The following ARID1B variants were observed in gnomAD, a reference collection of about 807,000 sequenced individuals.
ARID1B encodes the protein AT-rich interaction domain 1B.
A neutral mutation model predicts 212.3 loss-of-function variants in ARID1B; 30 were observed. That is an observed-to-expected ratio of 0.14 (90% CI 0.11 to 0.19). ARID1B has a LOEUF of 0.19. Ranked by LOEUF, ARID1B falls within the 10% of genes least tolerant of loss-of-function variation. ARID1B has a pLI of 1.00. For synonymous variants in ARID1B, 1,402 were observed against 1,301.7 expected (o/e 1.08, Z -1.66); for missense variants, 2,891 against 3,204.0 (o/e 0.90, Z 2.36).
At chr6:156,836,095 G>A (rs1562422584) in intron 2 of ARID1B, among the ~76,000 whole-genome samples, 1 of 152,140 alleles carries the variant, frequency 6.6e-6, no homozygotes, top group Non-Finnish European at 1.5e-5. Flanking sequence ...AACAGTCGAC[G>A]TCAGTAAAAT....
At chr6:157,141,437 ATAGTTCAGAAAACAAATTC>A (rs529813272) in intron 7 of ARID1B, among the ~76,000 whole-genome samples, 178 of 152,370 alleles carry the variant, frequency 1.2e-3, no homozygotes, top group Non-Finnish European at 2.0e-3. Flanking sequence ...TACCTTATGT[ATAGTTCAGAAAACAAATTC>A]TCTCTATTTA....
chr6:157,098,834 G>A (rs1785851885), intron 5 of ARID1B, among the ~76,000 whole-genome samples: 1 of 152,186 alleles, frequency 6.6e-6, no homozygotes, highest in Non-Finnish European at 1.5e-5. Context: ...CCTGAGAGTT[G>A]TGCCTCAGTC....
chr6:156,854,578 A>G (rs980067190), intron 2 of ARID1B, among the ~76,000 whole-genome samples: 1 of 152,198 alleles, frequency 6.6e-6, no homozygotes, highest in Non-Finnish European at 1.5e-5. Context: ...AAAATTGACA[A>G]AATTGTCTCA....
chr6:156,813,097 C>CAT lies in ARID1B; in HGVS notation c.1792-16119_1792-16118dup, dbSNP rs200332347. ...ACACACATACGTATGTATATACATACATATATATATATTTTTTTTTTTTTT... is the reference window on the plus strand; with the variant it reads ...ACACACATACGTATGTATATACATACATATATATATATATTTTTTTTTTTTTT... On this transcript the variant is annotated intron_variant, in intron 1 of 19. Coordinates refer to ENST00000636930, the MANE Select transcript of ARID1B (RefSeq NM_001374828.1). Among the ~76,000 whole-genome samples the CAT allele has an allele frequency of 4.8e-5, 4 of 83,374 alleles. No individual in the cohort carries two copies. The Admixed American group carries it at 5.5e-4, about 12-fold the overall frequency. 54.7% of individuals were successfully genotyped at this position (83,374 alleles called of 152,430 possible). A position where few individuals can be genotyped will look rare whatever the true frequency, so the allele number is the denominator to read the frequency against.
At position 156,925,741 on chromosome 6, in the gene ARID1B, C is replaced by T. The variant is rs183715575; in HGVS notation, c.2137-9725C>T. Among the ~76,000 whole-genome samples the T allele has an allele frequency of 6.1e-4, 93 of 152,058 alleles. No homozygotes were observed. The Middle Eastern group carries it at 0.037, about 61-fold the overall frequency. On this transcript the variant is annotated intron_variant, in intron 3 of 19. Transcript: ENST00000636930. The stretch of plus-strand genomic sequence containing the variant: ...TATCTAAACTAAAAGATTTTTGGAG[C>T]AGAGGGGAAGGGAAACTATCGATGT...
intron 4 of ARID1B, among the ~76,000 whole-genome samples, chr6:157,027,260 G>T (rs2128488106): frequency 6.6e-6 from 1 of 152,276 alleles, no homozygotes; most frequent in African/African-American, 2.4e-5. Flanking sequence ...ATAAAACTCT[G>T]TGGTTAAATT....
Position 156,964,560 on chromosome 6 carries a change from G to T in ARID1B, c.2247+28984G>T, listed in dbSNP as rs561087706. On this transcript the variant is annotated intron_variant, in intron 4 of 19. Transcript: ENST00000636930. ...TGGTTTTAAATTCTTTTATGATGGC[G>T]TAATTTTATGCGTATACTCAAGGCC... Among the ~76,000 whole-genome samples, 3 of 152,286 alleles carry T rather than the reference G, an allele frequency of 2.0e-5. No individual in the cohort carries two copies. In the East Asian group the frequency reaches 5.8e-4, roughly 29 times the overall value.
chr6:156,943,350 G>T (rs546445378), intron 4 of ARID1B: 1 of 152,028 alleles, frequency 6.6e-6, no homozygotes, highest in African/African-American at 2.4e-5. Flanking sequence ...AATATAGACT[G>T]TAATTTAAAA....
chr6:156,820,531 A>G (rs1215679867), intron 1 of ARID1B, among the ~76,000 whole-genome samples: 1 of 152,242 alleles, frequency 6.6e-6, no homozygotes, highest in Non-Finnish European at 1.5e-5. Context: ...TGTTAAGAGT[A>G]AAATAAAAGA....
chr6:156,829,461 G>T (rs1486519735), intron 2 of ARID1B, 40 bp downstream of exon 2: 1 of 1,573,716 alleles, frequency 6.4e-7, no homozygotes, highest in East Asian at 2.3e-5. Flanking sequence ...TTTTGTAATA[G>T]TTTTGTCTTT....
At chr6:157,070,567 C>G (rs1420620850) in intron 4 of ARID1B, among the ~76,000 whole-genome samples, 1 of 152,170 alleles carries the variant, frequency 6.6e-6, no homozygotes, top group Non-Finnish European at 1.5e-5. Context: ...AGATATAATT[C>G]TTCAGACAAT....
At chr6:157,029,621 C>T (rs776519159) in intron 4 of ARID1B, among the ~76,000 whole-genome samples, 5 of 152,112 alleles carry the variant, frequency 3.3e-5, no homozygotes, top group Admixed American at 2.6e-4. Context: ...GTGATTGGTA[C>T]GACAGGACTG....
chr6:156,886,127 A>C (rs1164827561), intron 2 of ARID1B, among the ~76,000 whole-genome samples: 1 of 152,236 alleles, frequency 6.6e-6, no homozygotes, highest in Non-Finnish European at 1.5e-5. Context: ...AGCATTTCAG[A>C]TAAGGGACAT....
At chr6:156,813,007 TATATACACATACGTATGTATATAC>T (rs1781686229) in intron 1 of ARID1B, among the ~76,000 whole-genome samples, 2 of 147,926 alleles carry the variant, frequency 1.4e-5, no homozygotes, top group South Asian at 4.2e-4. Context: ...TATATACATA[TATATACACATACGTATGTATATAC>T]ATATATATAT....
intron 1 of ARID1B, among the ~76,000 whole-genome samples, chr6:156,780,671 T>C (rs1429267220): frequency 6.6e-6 from 1 of 152,192 alleles, no homozygotes; most frequent in Non-Finnish European, 1.5e-5. Flanking sequence ...TACAAGCAAA[T>C]GTAAGGTTCA....
chr6:156,985,882 G>A (rs573772482), intron 4 of ARID1B, among the ~76,000 whole-genome samples: 53 of 152,254 alleles, frequency 3.5e-4, no homozygotes, highest in African/African-American at 1.3e-3. Flanking sequence ...TCAGGACAAC[G>A]CCTGCTTCTG....
At chr6:156,910,389 T>C (rs1246719582) in intron 3 of ARID1B, among the ~76,000 whole-genome samples, 1 of 152,232 alleles carries the variant, frequency 6.6e-6, no homozygotes. Flanking sequence ...AGCTCTTAAA[T>C]GATGGGTATA....
chr6:157,183,650 A>G (rs1484451906), intron 12 of ARID1B, among the ~76,000 whole-genome samples: 1 of 152,198 alleles, frequency 6.6e-6, no homozygotes, highest in Non-Finnish European at 1.5e-5. Flanking sequence ...GAGTAAGAGC[A>G]CCGCACAGGA....
intron 7 of ARID1B, among the ~76,000 whole-genome samples, chr6:157,137,301 CTTAA>C (rs1300771533): frequency 1.3e-4 from 20 of 152,248 alleles, no homozygotes; most frequent in Non-Finnish European, 2.5e-4. Flanking sequence ...TGTAAAAATA[CTTAA>C]TTACAGTATA....
Sources: gnomAD v4.1 joint callset for allele counts (sites outside exome capture counted in the v4.1 genomes callset) on GRCh38, gnomAD v4.1.1 for gene constraint, MANE v1.5 for transcripts, NCBI Gene and HGNC (gene_info 2026-07-23, HGNC 2026-07-21) for gene names.